The following ESRRG variants were observed in gnomAD, a reference collection of about 807,000 sequenced individuals.
The protein encoded by ESRRG is estrogen-related receptor gamma.
Under a neutral mutation model 44.0 loss-of-function variants are expected in ESRRG, and 13 were observed. The observed-to-expected ratio is 0.30, with a 90% CI of 0.19 to 0.47. ESRRG has a LOEUF of 0.47. ESRRG is among the 20% of genes least tolerant of loss of function. The pLI, the probability that ESRRG is intolerant of heterozygous loss-of-function variation, is 1.00. For missense variants in ESRRG, 395 were observed against 580.6 expected, an observed-to-expected ratio of 0.68 and a Z score of 3.29; for synonymous variants, 215 against 214.6, an observed-to-expected ratio of 1.00 and a Z score of -0.02.
At chr1:216,999,295 T>C (rs1303257086) in intron 1 of ESRRG, among the ~76,000 whole-genome samples, 1 of 152,198 alleles carries the variant, frequency 6.6e-6, no homozygotes, top group Non-Finnish European at 1.5e-5. Flanking sequence ...AGTCTAGGTG[T>C]ATGTAAAGAT....
At chr1:216,541,390 A>C (rs1335723837) in intron 5 of ESRRG, among the ~76,000 whole-genome samples, 1 of 152,060 alleles carries the variant, frequency 6.6e-6, no homozygotes, top group Non-Finnish European at 1.5e-5. Context: ...AGGCAAATTC[A>C]ATAGGATCAC....
chr1:216,848,079 A>G (rs2095786485), intron 2 of ESRRG, among the ~76,000 whole-genome samples: 1 of 152,098 alleles, frequency 6.6e-6, no homozygotes. Flanking sequence ...TTTGCCACCC[A>G]CTTAGTGACA....
intron 5 of ESRRG, among the ~76,000 whole-genome samples, chr1:216,561,494 T>C (rs1056520776): frequency 2.0e-5 from 3 of 152,162 alleles, no homozygotes; most frequent in African/African-American, 7.2e-5. Flanking sequence ...TGGTTCATGT[T>C]ATCAAGAACA....
chr1:217,040,130 C>A (rs559581514), intron 1 of ESRRG, among the ~76,000 whole-genome samples: 27 of 152,308 alleles, frequency 1.8e-4, no homozygotes, highest in African/African-American at 6.5e-4. Context: ...TAATTGCCCT[C>A]ATGTTCTTAA....
chr1:216,541,619 T>A (rs2052803541), intron 5 of ESRRG, among the ~76,000 whole-genome samples: 1 of 148,106 alleles, frequency 6.8e-6, no homozygotes, highest in Admixed American at 6.7e-5. Flanking sequence ...TGTGATCAGC[T>A]ATTCATACCC....
chr1:216,751,656 C>A (rs2092018990), intron 2 of ESRRG, among the ~76,000 whole-genome samples: 1 of 152,044 alleles, frequency 6.6e-6, no homozygotes. Context: ...CACAAGATGG[C>A]TAGAATAGTT....
At chr1:216,857,050 T>A (rs1041437966) in intron 2 of ESRRG, among the ~76,000 whole-genome samples, 3 of 152,144 alleles carry the variant, frequency 2.0e-5, no homozygotes, top group Admixed American at 6.6e-5. Context: ...GCAAACAAAT[T>A]CAGGCTGCAT....
In ESRRG at chr1:216,569,111, A is replaced by G. The variant is rs201690524; in HGVS notation, c.590-1013T>C. ...AAGGAAGGAAGGAAGGAAGGAAGGA[A>G]GAAGGAAGGAAGGAAGGAAGGAAAG... On this transcript the variant is annotated intron_variant, in intron 3 of 6. Transcript: ENST00000408911. 4.6e-3 allele frequency among the ~76,000 whole-genome samples: 477 copies of G among 104,470 alleles called. 15 individuals carry two copies. The highest frequency in any genetic ancestry group is 0.014 in the African/African-American group (397 of 28,362). 68.5% of individuals were successfully genotyped at this position (104,470 alleles called of 152,430 possible). A position where few individuals can be genotyped will look rare whatever the true frequency, so the allele number is the denominator to read the frequency against.
chr1:217,095,625 T>C (rs2092412228), intron 1 of ESRRG, among the ~76,000 whole-genome samples: 1 of 152,204 alleles, frequency 6.6e-6, no homozygotes, highest in Admixed American at 6.5e-5. Flanking sequence ...AATGGTAGGA[T>C]ATTAAACAGG....
chr1:216,962,962 A>G (rs2069431193), intron 1 of ESRRG, among the ~76,000 whole-genome samples: 1 of 152,220 alleles, frequency 6.6e-6, no homozygotes, highest in Admixed American at 6.5e-5. Context: ...GGAAATCCAC[A>G]TACCTGGGTT....
At chr1:216,896,983 A>T (rs1055539725) in intron 2 of ESRRG, among the ~76,000 whole-genome samples, 2 of 152,226 alleles carry the variant, frequency 1.3e-5, no homozygotes, top group African/African-American at 4.8e-5. Flanking sequence ...CATCTGTTGC[A>T]GAGCCATCTT....
At chr1:216,752,472 ATACTT>A (rs1251256733) in intron 2 of ESRRG, among the ~76,000 whole-genome samples, 2 of 152,158 alleles carry the variant, frequency 1.3e-5, no homozygotes, top group Admixed American at 1.3e-4. Context: ...ACAGGAATGA[ATACTT>A]TACTTTTACT....
intron 2 of ESRRG, among the ~76,000 whole-genome samples, chr1:216,903,448 TG>T (rs1253033845): frequency 1.3e-5 from 2 of 151,740 alleles, no homozygotes; most frequent in African/African-American, 4.8e-5. Flanking sequence ...TGTGTGTGTG[TG>T]TGTGTGTGTC....
chr1:216,731,633 C>T (rs548311425), intron 2 of ESRRG, among the ~76,000 whole-genome samples: 38 of 152,288 alleles, frequency 2.5e-4, no homozygotes, highest in African/African-American at 4.3e-4. Context: ...AAACTCAATA[C>T]GTACCCCCAA....
chr1:216,555,830 A>G (rs1203119261), intron 5 of ESRRG, among the ~76,000 whole-genome samples: 1 of 152,138 alleles, frequency 6.6e-6, no homozygotes, highest in Non-Finnish European at 1.5e-5. Context: ...CTATTAATCA[A>G]TATATCCAGA....
intron 3 of ESRRG, among the ~76,000 whole-genome samples, chr1:216,630,087 G>T (rs770984159): frequency 1.3e-5 from 2 of 152,208 alleles, no homozygotes; most frequent in African/African-American, 2.4e-5. Flanking sequence ...CATTGGGGAA[G>T]TAACTTGACT....
intron 2 of ESRRG, among the ~76,000 whole-genome samples, chr1:216,882,690 TG>T (rs1559974238): frequency 6.6e-6 from 1 of 151,948 alleles, no homozygotes. Context: ...AGAAAATGGG[TG>T]GGGGTAGAAG....
intron 1 of ESRRG, among the ~76,000 whole-genome samples, chr1:216,989,427 CAAA>C (rs67759463): frequency 0.032 from 2,525 of 79,372 alleles, 54 homozygotes; most frequent in African/African-American, 0.11. Flanking sequence ...GACTCTGTCT[CAAA>C]AAAAAAAAAA....
chr1:216,970,921 T>C, intron 1 of ESRRG, among the ~76,000 whole-genome samples: 1 of 152,190 alleles, frequency 6.6e-6, no homozygotes, highest in East Asian at 1.9e-4. Flanking sequence ...GCCCCTTTTT[T>C]TGACCCAGGC....
Sources: gnomAD v4.1 joint callset for allele counts (sites outside exome capture counted in the v4.1 genomes callset) on GRCh38, gnomAD v4.1.1 for gene constraint, MANE v1.5 for transcripts, NCBI Gene and HGNC (gene_info 2026-07-23, HGNC 2026-07-21) for gene names.